The following SGCD variants were observed in gnomAD, a reference collection of about 807,000 sequenced individuals.
SGCD encodes delta-sarcoglycan.
A neutral mutation model predicts 36.6 loss-of-function variants in SGCD; 18 were observed. The ratio of observed to expected loss-of-function variants is 0.49; its 90% CI spans 0.34 to 0.73. The LOEUF is 0.73. Among genes scored for constraint, SGCD ranks in the 30% least tolerant of loss-of-function variants. SGCD has a pLI of 0.01. For missense variants in SGCD, 387 were observed against 346.7 expected, an observed-to-expected ratio of 1.12 and a Z score of -0.92; for synonymous variants, 133 against 130.6, an observed-to-expected ratio of 1.02 and a Z score of -0.12.
chr5:155,730,467 G>GTGTGTGTGTGTGTGTC, the SGCD span, among the ~76,000 whole-genome samples: 1 of 151,250 alleles, frequency 6.6e-6, no homozygotes, highest in African/African-American at 2.4e-5. Context: ...GTGTGTGTGT[G>GTGTGTGTGTGTGTGTC]TGTGTGTGGC....
At chr5:156,027,458 T>G (rs892963173) in intron 1 of SGCD, among the ~76,000 whole-genome samples, 28 of 152,192 alleles carry the variant, frequency 1.8e-4, no homozygotes, top group Admixed American at 1.8e-3. Context: ...CTACAACTCT[T>G]ATGGATCTGA....
At chr5:156,498,268 A>AG (rs1756289010) in intron 3 of SGCD, among the ~76,000 whole-genome samples, 1 of 152,024 alleles carries the variant, frequency 6.6e-6, no homozygotes, top group African/African-American at 2.4e-5. Flanking sequence ...CTTACAAAAA[A>AG]AAAAAAAAAA....
intron 1 of SGCD, among the ~76,000 whole-genome samples, chr5:155,893,064 T>TA (rs1756173798): frequency 6.6e-6 from 1 of 152,138 alleles, no homozygotes; most frequent in Non-Finnish European, 1.5e-5. Context: ...ACAGTAGAGT[T>TA]ACTATAATTA....
chr5:155,884,585 T>C (rs1284667689), intron 1 of SGCD, among the ~76,000 whole-genome samples: 2 of 152,224 alleles, frequency 1.3e-5, no homozygotes, highest in African/African-American at 4.8e-5. Flanking sequence ...ATCAAGAATT[T>C]CTTGATCTTG....
intron 4 of SGCD, among the ~76,000 whole-genome samples, chr5:156,511,841 C>A (rs746518303): frequency 6.6e-6 from 1 of 152,122 alleles, no homozygotes; most frequent in Non-Finnish European, 1.5e-5. Flanking sequence ...ACTGAACCAG[C>A]GAATCACTGA....
the SGCD span, among the ~76,000 whole-genome samples, chr5:155,849,881 A>G: frequency 6.6e-6 from 1 of 152,216 alleles, no homozygotes; most frequent in Non-Finnish European, 1.5e-5. Context: ...AATGGGAGAA[A>G]ATGACCTTGA....
intron 7 of SGCD, among the ~76,000 whole-genome samples, chr5:156,708,429 G>T (rs1331062007): frequency 6.6e-6 from 1 of 152,108 alleles, no homozygotes; most frequent in Non-Finnish European, 1.5e-5. Flanking sequence ...AAGACAGCAT[G>T]GTATAAGTTA....
intron 7 of SGCD, among the ~76,000 whole-genome samples, chr5:156,738,889 T>C (rs1467363906): frequency 6.6e-6 from 1 of 152,158 alleles, no homozygotes; most frequent in African/African-American, 2.4e-5. Flanking sequence ...TTCTCCAAGG[T>C]GAAACATCCA....
chr5:156,127,789 T>G (rs1762211604), intron 3 of SGCD, among the ~76,000 whole-genome samples: 1 of 140,842 alleles, frequency 7.1e-6, no homozygotes, highest in Admixed American at 7.5e-5. Flanking sequence ...TAAAGAAGCT[T>G]AATTTCTACC....
intron 1 of SGCD, among the ~76,000 whole-genome samples, chr5:156,089,573 G>A (rs1237640291): frequency 6.6e-6 from 1 of 152,130 alleles, no homozygotes; most frequent in Non-Finnish European, 1.5e-5. Context: ...ATCCCCAACA[G>A]GTGTCCACAA....
At chr5:155,746,685 C>A in the SGCD span, among the ~76,000 whole-genome samples, 4 of 152,226 alleles carry the variant, frequency 2.6e-5, no homozygotes, top group East Asian at 7.7e-4. Flanking sequence ...TTGTAGGAAT[C>A]TTCCTTCCTG....
At chr5:156,628,272 A>G (rs187032005) in intron 6 of SGCD, among the ~76,000 whole-genome samples, 1 of 152,318 alleles carries the variant, frequency 6.6e-6, no homozygotes, top group East Asian at 1.9e-4. Context: ...CCTACCTCCA[A>G]CATTGAGGAT....
intron 1 of SGCD, among the ~76,000 whole-genome samples, chr5:155,962,733 G>A (rs1413567512): frequency 1.3e-5 from 2 of 152,080 alleles, no homozygotes; most frequent in Non-Finnish European, 2.9e-5. Flanking sequence ...TGCACTGTGT[G>A]CACAAAACTA....
chr5:155,802,039 TC>T, the SGCD span, among the ~76,000 whole-genome samples: 3 of 152,184 alleles, frequency 2.0e-5, no homozygotes, highest in Admixed American at 2.0e-4. Context: ...TGACCTTGTT[TC>T]CCCAGCTATA....
At chr5:155,771,527 G>T in the SGCD span, among the ~76,000 whole-genome samples, 5 of 151,858 alleles carry the variant, frequency 3.3e-5, no homozygotes, top group Admixed American at 3.3e-4. Flanking sequence ...AGGTTCAAGC[G>T]ATTCTCCTGC....
the SGCD span, among the ~76,000 whole-genome samples, chr5:155,861,424 T>A: frequency 6.6e-6 from 1 of 152,096 alleles, no homozygotes; most frequent in Non-Finnish European, 1.5e-5. Flanking sequence ...CCATCCTGAC[T>A]GGACACGGTG....
chr5:156,456,754 A>G (rs554253193), intron 3 of SGCD, among the ~76,000 whole-genome samples: 1 of 152,262 alleles, frequency 6.6e-6, no homozygotes, highest in Non-Finnish European at 1.5e-5. Context: ...CACAACCATA[A>G]GATTATAAAT....
At chr5:155,913,315 A>T (rs566684676) in intron 1 of SGCD, among the ~76,000 whole-genome samples, 1 of 152,296 alleles carries the variant, frequency 6.6e-6, no homozygotes, top group East Asian at 1.9e-4. Flanking sequence ...GACTTGCATG[A>T]TTTCATCTGG....
Position 156,535,969 on chromosome 5 carries a change from A to G in SGCD, c.294+27267A>G, listed in dbSNP as rs1254642221. Among the ~76,000 whole-genome samples the G allele has an allele frequency of 2.6e-5, 4 of 152,308 alleles. No individual in the cohort carries two copies. In the South Asian group the frequency reaches 6.2e-4, roughly 24 times the overall value. On this transcript the variant is annotated intron_variant, in intron 4 of 8. Transcript: ENST00000337851. ...AAAATACTGCAGTGAGTTGACGGAT[A>G]ATTTTTTTAAAGAATAAGAAAGATG...
Sources: allele counts gnomAD v4.1 joint callset (sites outside exome capture counted in the v4.1 genomes callset), GRCh38; gene constraint gnomAD v4.1.1; transcripts MANE v1.5; gene names NCBI Gene and HGNC (gene_info 2026-07-23, HGNC 2026-07-21).